Variants in PKIG observed in about 807,000 individuals in gnomAD.
PKIG encodes the protein cAMP-dependent protein kinase inhibitor gamma.
In PKIG, 1 loss-of-function variant was observed where a neutral mutation model predicts 6.8. The ratio of observed to expected loss-of-function variants is 0.15; its 90% confidence interval spans 0.05 to 0.69. The LOEUF is 0.69. PKIG is among the 30% of genes least tolerant of loss of function. PKIG has a pLI of 0.82. For synonymous variants in PKIG, 39 were observed against 43.0 expected, an observed-to-expected ratio of 0.91 and a Z score of 0.36; for missense variants, 77 against 104.0, an observed-to-expected ratio of 0.74 and a Z score of 1.13.
chr20:44,600,588 G>A (rs1014150959), intron 2 of PKIG, among the ~76,000 whole-genome samples: 3 of 151,992 alleles, frequency 2.0e-5, no homozygotes, highest in Non-Finnish European at 4.4e-5. Context: ...GCTCATGCCT[G>A]TAATCCCAGC....
chr20:44,614,660 T>C lies in PKIG; in HGVS notation c.104T>C (p.Val35Ala), dbSNP rs1389305649. The C allele has an allele frequency of 6.2e-7, 1 of 1,613,818 alleles. No homozygotes were observed. Among genetic ancestry groups the C allele is most frequent in the African/African-American group, 1.3e-5 (1 of 74,900 alleles). ...DIQGDSEAVSVRKLAGDMGEL... is the reference protein window; with the variant it reads ...DIQGDSEAVSARKLAGDMGEL... ...CAGGGAGACTCAGAGGCTGTGAGCG[T>C]GAGGAAGCTGGCTGGAGACATGGGC... Residue 35 changes from valine (V) to alanine (A), a missense_variant, in exon 3 of 4, where the codon GTG (valine) becomes GCG (alanine). Val to Ala is a moderately conservative substitution (Grantham distance 64). Coordinates refer to ENST00000372886, the MANE Select transcript of PKIG (RefSeq NM_001281445.2). The surrounding 1 kb of genome is among the most constrained non-coding windows in gnomAD (Gnocchi z 4.6).
At chr20:44,564,892 A>C (rs766904569) in intron 1 of PKIG, among the ~76,000 whole-genome samples, 55 of 152,368 alleles carry the variant, frequency 3.6e-4, no homozygotes, top group Non-Finnish European at 5.7e-4. Context: ...TCATTGTTCC[A>C]GACATGTATA....
intron 2 of PKIG, among the ~76,000 whole-genome samples, chr20:44,610,449 T>C (rs1315865729): frequency 1.3e-5 from 2 of 150,704 alleles, no homozygotes; most frequent in Admixed American, 6.6e-5. Flanking sequence ...GATCCTCTTC[T>C]CTGTCTCTCT....
chr20:44,567,435 T>C (rs1473452749), intron 1 of PKIG, among the ~76,000 whole-genome samples: 1 of 152,244 alleles, frequency 6.6e-6, no homozygotes, highest in Non-Finnish European at 1.5e-5. Flanking sequence ...TTCATCTCGC[T>C]GTTCTAAAAC....
intron 3 of PKIG, among the ~76,000 whole-genome samples, chr20:44,617,546 G>T (rs912065764): frequency 1.3e-5 from 2 of 152,062 alleles, no homozygotes; most frequent in Admixed American, 6.5e-5. Context: ...AGGAGACTTG[G>T]CTTGTATCCT....
chr20:44,596,740 T>C (rs1022888281), intron 2 of PKIG, among the ~76,000 whole-genome samples: 1 of 152,164 alleles, frequency 6.6e-6, no homozygotes, highest in Non-Finnish European at 1.5e-5. Context: ...CACAGTGCAG[T>C]GTCTGAGCAG....
intron 1 of PKIG, among the ~76,000 whole-genome samples, chr20:44,534,392 G>T (rs964121987): frequency 6.6e-6 from 1 of 151,754 alleles, no homozygotes; most frequent in Non-Finnish European, 1.5e-5. Flanking sequence ...AGTGTGGAAG[G>T]AAAGTCACAA....
intron 1 of PKIG, among the ~76,000 whole-genome samples, chr20:44,562,728 A>G (rs576130178): frequency 1.4e-4 from 21 of 152,168 alleles, no homozygotes; most frequent in Non-Finnish European, 2.8e-4. Flanking sequence ...GAAAATTTAG[A>G]TGAATGGATA....
rs185446551 is a variant in PKIG at position 44,541,131 on chromosome 20, T to A, written c.-241+9153T>A. Among the ~76,000 whole-genome samples, 53 of 152,272 alleles carry A rather than the reference T, an allele frequency of 3.5e-4. No individual in the cohort carries two copies. The East Asian group carries it at 9.4e-3, about 27-fold the overall frequency. ...TGATGGTAGCAAGAGTAGCCCTCAT[T>A]TTATTCCTGCCCTTTCTAATCAGGA... On this transcript the variant is annotated intron_variant, in intron 1 of 4. Coordinates refer to the PKIG transcript ENST00000372887.
At chr20:44,546,819 G>A (rs2064619428) in intron 1 of PKIG, among the ~76,000 whole-genome samples, 1 of 152,006 alleles carries the variant, frequency 6.6e-6, no homozygotes, top group Non-Finnish European at 1.5e-5. Context: ...GTCCCAAAGT[G>A]CTGGGATTAC....
intron 1 of PKIG, among the ~76,000 whole-genome samples, chr20:44,536,499 A>G (rs1290804272): frequency 6.6e-6 from 1 of 152,196 alleles, no homozygotes; most frequent in East Asian, 1.9e-4. Flanking sequence ...AAGGAGAATC[A>G]ACAGGACTTG....
At chr20:44,600,302 G>C (rs1423329976) in intron 2 of PKIG, among the ~76,000 whole-genome samples, 1 of 152,184 alleles carries the variant, frequency 6.6e-6, no homozygotes, top group Non-Finnish European at 1.5e-5. Context: ...CAGGAGAGTG[G>C]ATTTCACTAG....
intron 1 of PKIG, among the ~76,000 whole-genome samples, chr20:44,562,469 G>A (rs1234725542): frequency 1.3e-5 from 2 of 151,900 alleles, no homozygotes; most frequent in Admixed American, 6.6e-5. Context: ...AGGTGTGGTG[G>A]TGTGTGCCTG....
chr20:44,600,320 A>G (rs2065110190), intron 2 of PKIG, among the ~76,000 whole-genome samples: 1 of 152,220 alleles, frequency 6.6e-6, no homozygotes, highest in Non-Finnish European at 1.5e-5. Flanking sequence ...TAGATGTGAA[A>G]TAGAAAAGCA....
intron 2 of PKIG, among the ~76,000 whole-genome samples, chr20:44,607,151 G>A (rs1396420674): frequency 6.6e-6 from 1 of 152,082 alleles, no homozygotes; most frequent in East Asian, 1.9e-4. Flanking sequence ...CAATCCTCAG[G>A]TCCATCAACA....
intron 1 of PKIG, among the ~76,000 whole-genome samples, chr20:44,533,985 C>A (rs1375412945): frequency 6.6e-6 from 1 of 152,140 alleles, no homozygotes; most frequent in Non-Finnish European, 1.5e-5. Context: ...ATAATATCAG[C>A]AGCTTTCAAA....
At chr20:44,574,561 TTTTTTTG>T (rs1264250983) in intron 1 of PKIG, among the ~76,000 whole-genome samples, 1 of 151,018 alleles carries the variant, frequency 6.6e-6, no homozygotes, top group Non-Finnish European at 1.5e-5. Flanking sequence ...TTCAGCATGT[TTTTTTTG>T]TTTTTGTTTT....
chr20:44,560,249 CTAAATAAATAAA>C (rs56359005), intron 1 of PKIG, among the ~76,000 whole-genome samples: 39 of 149,276 alleles, frequency 2.6e-4, no homozygotes, highest in Non-Finnish European at 4.4e-4. Flanking sequence ...GACCTTGTCT[CTAAATAAATAAA>C]TAAATAAATA....
chr20:44,578,198 G>T (rs532488066), upstream of PKIG, among the ~76,000 whole-genome samples: 1 of 151,768 alleles, frequency 6.6e-6, no homozygotes. Context: ...AAAATTAGCC[G>T]GGCATGGTGG....
Sources: gnomAD v4.1 joint callset for allele counts (sites outside exome capture counted in the v4.1 genomes callset) on GRCh38, gnomAD v4.1.1 for gene constraint, Gnocchi (gnomAD v3.1) non-coding constraint, MANE v1.5 for transcripts, NCBI Gene and HGNC (gene_info 2026-07-23, HGNC 2026-07-21) for gene names.